The following CDH13 variants were observed in gnomAD, a reference collection of about 807,000 sequenced individuals.
CDH13 encodes cadherin-13.
Under a neutral mutation model 63.8 loss-of-function variants are expected in CDH13, and 24 were observed. The ratio of observed to expected loss-of-function variants is 0.38; its 90% CI spans 0.27 to 0.53. The LOEUF is 0.53. Among genes scored for constraint, CDH13 ranks in the 20% least tolerant of loss-of-function variants. The pLI is 0.85. For synonymous variants in CDH13, 503 were observed against 355.3 expected (o/e 1.42, Z -4.67); for missense variants, 1,049 against 903.1 (o/e 1.16, Z -2.07).
At chr16:83,701,937 T>G (rs539396834) in intron 10 of CDH13, among the ~76,000 whole-genome samples, 4 of 152,268 alleles carry the variant, frequency 2.6e-5, no homozygotes, top group African/African-American at 9.6e-5. Flanking sequence ...TTGTGGGACT[T>G]TGGGTAAGTT....
chr16:83,009,871 C>T (rs1018634042), intron 2 of CDH13, among the ~76,000 whole-genome samples: 18 of 152,202 alleles, frequency 1.2e-4, no homozygotes, highest in Admixed American at 2.0e-4. Flanking sequence ...CAGTGGCTCA[C>T]GCCTGTAATC....
chr16:83,342,931 C>G (rs1022672676), intron 5 of CDH13, among the ~76,000 whole-genome samples: 2 of 123,714 alleles, frequency 1.6e-5, no homozygotes, highest in Non-Finnish European at 3.2e-5. Context: ...TATGTTATTA[C>G]ATAAAATTGC....
At chr16:83,669,955 A>C (rs979241644) in intron 8 of CDH13, among the ~76,000 whole-genome samples, 3 of 152,238 alleles carry the variant, frequency 2.0e-5, no homozygotes, top group African/African-American at 7.2e-5. Context: ...GGAATGTGCT[A>C]ATGAAAGCTC....
At chr16:83,576,141 A>G (rs1350075761) in intron 7 of CDH13, among the ~76,000 whole-genome samples, 1 of 152,216 alleles carries the variant, frequency 6.6e-6, no homozygotes, top group Non-Finnish European at 1.5e-5. Flanking sequence ...CTCCAGAGCC[A>G]TTAAGTAGCC....
At chr16:83,606,726 C>A (rs367931713) in intron 8 of CDH13, among the ~76,000 whole-genome samples, 157 of 138,322 alleles carry the variant, frequency 1.1e-3, no homozygotes, top group African/African-American at 2.0e-3. Context: ...GACCCAGTTT[C>A]AAAAAAAAAA....
In CDH13 at chr16:82,838,421, C is replaced by T. The variant is rs987028958; in HGVS notation, c.46-19941C>T. On this transcript the variant is annotated intron_variant, in intron 1 of 13. Transcript: ENST00000567109. ...ATTGGGAATTACTATATTTATTGTT[C>T]TGTGTCCCAAAGAACAAATGAAGCC... is the stretch of plus-strand genomic sequence containing the variant. Among the ~76,000 whole-genome samples, 10 of 152,232 alleles carry T rather than the reference C, an allele frequency of 6.6e-5. No individual in the cohort carries two copies. In the East Asian group the frequency reaches 9.6e-4, roughly 15 times the overall value.
chr16:82,901,215 A>G (rs1417954790), intron 2 of CDH13, among the ~76,000 whole-genome samples: 1 of 151,832 alleles, frequency 6.6e-6, no homozygotes, highest in African/African-American at 2.4e-5. Context: ...TGCTCTCATC[A>G]CAGCTTATTT....
intron 11 of CDH13, among the ~76,000 whole-genome samples, chr16:83,762,061 A>G (rs1255925964): frequency 6.6e-6 from 1 of 151,736 alleles, no homozygotes; most frequent in Non-Finnish European, 1.5e-5. Context: ...GACCCCACCT[A>G]AAAAATAAAA....
intron 3 of CDH13, among the ~76,000 whole-genome samples, chr16:83,099,502 T>C (rs966890876): frequency 1.3e-5 from 2 of 151,658 alleles, no homozygotes; most frequent in African/African-American, 4.8e-5. Flanking sequence ...TTTTGCATTT[T>C]TAGTAGAGAC....
At chr16:82,850,949 ACTGGGAAGCC>A (rs2039455736) in intron 1 of CDH13, among the ~76,000 whole-genome samples, 1 of 152,228 alleles carries the variant, frequency 6.6e-6, no homozygotes, top group African/African-American at 2.4e-5. Flanking sequence ...TTTTATATGC[ACTGGGAAGCC>A]AAAAAGTTCA....
rs1904288389 is a variant in CDH13, at chr16:83,797,580, G to A, written c.*2550G>A. The A allele has an allele frequency of 6.6e-6, 1 of 152,194 alleles. No individual in the cohort carries two copies. The highest frequency in any genetic ancestry group is 6.5e-5 in the Admixed American group (1 of 15,278). The allele number at this position is 152,194 out of a possible 1,614,324, so 9.4% of individuals were successfully genotyped here. A position where few individuals can be genotyped will look rare whatever the true frequency, so the allele number is the denominator to read the frequency against. On this transcript the variant is annotated 3_prime_UTR_variant, in exon 14 of 14. Transcript: ENST00000567109. ...ATAGGCCAAAGTGGTAGCATTTCCTGAATCATAAGATGTTTTGTTCATTTG... is the reference window on the plus strand; with the variant it reads ...ATAGGCCAAAGTGGTAGCATTTCCTAAATCATAAGATGTTTTGTTCATTTG...
chr16:83,571,183 C>G (rs1362688937), intron 7 of CDH13, among the ~76,000 whole-genome samples: 1 of 151,994 alleles, frequency 6.6e-6, no homozygotes, highest in Non-Finnish European at 1.5e-5. Flanking sequence ...CAGTGGAAAT[C>G]TTCACCCAAT....
At chr16:83,173,828 C>A (rs558131763) in intron 4 of CDH13, among the ~76,000 whole-genome samples, 1 of 152,064 alleles carries the variant, frequency 6.6e-6, no homozygotes, top group Admixed American at 6.6e-5. Context: ...ACCTTCCTAG[C>A]ATCCATCTTG....
At chr16:82,708,798 G>A (rs934170431) in intron 1 of CDH13, among the ~76,000 whole-genome samples, 12 of 152,186 alleles carry the variant, frequency 7.9e-5, no homozygotes, top group African/African-American at 2.9e-4. Context: ...TCCCCAGACT[G>A]ACCCAAACAC....
chr16:82,658,356 G>T (rs887657736), intron 1 of CDH13, among the ~76,000 whole-genome samples: 30 of 152,192 alleles, frequency 2.0e-4, no homozygotes, highest in African/African-American at 6.5e-4. Context: ...CTCCTTTAAA[G>T]ATTTAGCTGT....
chr16:83,117,977 G>T (rs1444147561), intron 3 of CDH13, among the ~76,000 whole-genome samples: 2 of 152,200 alleles, frequency 1.3e-5, no homozygotes, highest in African/African-American at 2.4e-5. Flanking sequence ...TTGCTTAGCT[G>T]CATGAAACCG....
chr16:82,988,076 A>G (rs1911179234), intron 2 of CDH13, among the ~76,000 whole-genome samples: 1 of 152,210 alleles, frequency 6.6e-6, no homozygotes, highest in Non-Finnish European at 1.5e-5. Flanking sequence ...TACATCTTGT[A>G]GCAATAACCC....
intron 5 of CDH13, among the ~76,000 whole-genome samples, chr16:83,241,063 A>G (rs1177938960): frequency 6.6e-6 from 1 of 152,150 alleles, no homozygotes; most frequent in African/African-American, 2.4e-5. Context: ...GATACTTTGA[A>G]TGTGTGGATT....
At chr16:82,759,908 AT>A (rs1257549386) in intron 1 of CDH13, among the ~76,000 whole-genome samples, 2 of 152,028 alleles carry the variant, frequency 1.3e-5, no homozygotes, top group East Asian at 1.9e-4. Context: ...CCCAATCCAC[AT>A]TTTTTAAAGG....
Sources: allele counts gnomAD v4.1 joint callset (sites outside exome capture counted in the v4.1 genomes callset), GRCh38; gene constraint gnomAD v4.1.1; transcripts MANE v1.5; gene names NCBI Gene and HGNC (gene_info 2026-07-23, HGNC 2026-07-21).